Variants in PLEC observed in about 807,000 individuals in gnomAD.
PLEC encodes plectin.
Under a neutral mutation model 392.8 loss-of-function variants are expected in PLEC, and 216 were observed. The observed-to-expected ratio is 0.55, with a 90% CI of 0.49 to 0.62. The LOEUF is 0.62. Ranked by LOEUF, PLEC falls within the 20% of genes least tolerant of loss-of-function variation. The pLI is 0.00. For synonymous variants in PLEC, 3,621 were observed against 2,980.6 expected (o/e 1.21, Z -7.00); for missense variants, 6,863 against 6,563.4 (o/e 1.05, Z -1.58).
Position 143,922,261 on chromosome 8 carries a change from G to T in PLEC, c.7560C>A (p.Phe2520Leu). The change falls in exon 32 of 32, where the codon TTC becomes TTA. Residue 2520 changes from phenylalanine to leucine, a missense_variant. Physicochemically the swap from Phe to Leu is conservative, Grantham distance 22 (BLOSUM62 0). Transcript: ENST00000345136. ...GCTGTGCCTTGGCCACCTCGTCCTG[G>T]AAGAGCTGCTCCAGCTTGGCCTTCT... ...EQEKAKLEQL[F>L]QDEVAKAQQL... is the part of the protein sequence containing the mutation. The T allele has an allele frequency of 6.2e-7, 1 of 1,600,530 alleles. No homozygotes were observed.
rs141190664 is a variant in PLEC, at chr8:143,969,307, C to A, written c.70+4096G>T. ...TTCCTGTCTGCCTGAGCCCCTCAGC[C>A]CCCCCATTCTCCCTGTCCCCCATCC... On this transcript the variant is annotated intron_variant, in intron 1 of 31. Transcript: ENST00000356346. The surrounding 1 kb of genome is among the most constrained non-coding windows in gnomAD (Gnocchi z 5.1). 4.6e-5 allele frequency among the ~76,000 whole-genome samples: 7 copies of A among 152,336 alleles called. No homozygotes were observed. The highest frequency in any genetic ancestry group is 4.1e-4 in the South Asian group (2 of 4,828).
intron 1 of PLEC, among the ~76,000 whole-genome samples, chr8:143,946,751 G>A (rs1564202465): frequency 1.9e-5 from 1 of 52,000 alleles, no homozygotes; most frequent in Non-Finnish European, 3.8e-5. Context: ...GCCCAGCCCT[G>A]CCCTCCCACC....
In PLEC at chr8:143,935,180, A is replaced by C; in HGVS notation, c.718+18T>G. The C allele has an allele frequency of 6.2e-7, 1 of 1,611,248 alleles. No individual in the cohort carries two copies. The highest frequency in any genetic ancestry group is 8.5e-7 in the Non-Finnish European group (1 of 1,178,504). ...GGCAGCAGGGGAAGGGACAGGGAGG[A>C]AGGCCACGCAGACGTACCCTCAGGG... On this transcript the variant is annotated intron_variant, in intron 7 of 31. Coordinates refer to ENST00000345136, the MANE Select transcript of PLEC (RefSeq NM_201384.3).
chr8:143,934,722 C>T lies in PLEC; in HGVS notation c.954G>A (p.Trp318Ter). The change falls in exon 10 of 32, where the codon TGG becomes TGA. Residue 318 changes from tryptophan (W) to a stop codon, truncating the protein, a stop_gained. Transcript: ENST00000345136. LOFTEE classifies it high-confidence loss of function. ...TCTCCTTAAACTTCAGGAACTGAGA[C>T]CACAGGATCTGCCAGGGACGAGGCT... ...PSSFEEIEIL[W>*]SQFLKFKEME... is the part of the protein sequence containing the mutation. 1 of 1,612,594 alleles carries T rather than the reference C, an allele frequency of 6.2e-7. No individual in the cohort carries two copies. The highest frequency in any genetic ancestry group is 8.5e-7 in the Non-Finnish European group (1 of 1,179,950).
chr8:143,928,112 G>T (rs1825899849), intron 25 of PLEC, 120 bp from the exon 26 acceptor site: 2 of 1,266,088 alleles, frequency 1.6e-6, no homozygotes. Flanking sequence ...AACCCTGGGG[G>T]TCAGCTGACC....
chr8:143,937,095 A>AGAC, intron 4 of PLEC, 24 bp from the exon 5 acceptor site: 5 of 1,610,836 alleles, frequency 3.1e-6, no homozygotes, highest in Non-Finnish European at 4.2e-6. Context: ...GCTCTCGGTC[A>AGAC]CGGCCCACAG....
rs200895343 is a variant in PLEC at position 143,920,470 on chromosome 8, G to A, written c.9351C>T (p.Phe3117=). The change falls in exon 32 of 32, where the codon TTC becomes TTT. Residue 3117 remains phenylalanine, a synonymous_variant. Transcript: ENST00000345136. ...DPYTGQSVSL[F]QALKKGLIPR... is the part of the protein sequence containing the mutation. The stretch of plus-strand genomic sequence containing the variant: ...GAATGAGGCCCTTCTTCAGGGCCTG[G>A]AACAGGGAGACGCTCTGCCCTGTGT... 2.0e-3 allele frequency: 3,269 copies of A among 1,604,482 alleles called. 12 individuals are homozygous for A. The highest frequency in any genetic ancestry group is 2.4e-3 in the Non-Finnish European group (2,784 of 1,176,008).
At chr8:143,964,380 G>A (rs1832991077) in intron 1 of PLEC, among the ~76,000 whole-genome samples, 1 of 152,102 alleles carries the variant, frequency 6.6e-6, no homozygotes, top group Admixed American at 6.6e-5. Flanking sequence ...ACCCAGTAGG[G>A]GGCCTAGAAC....
chr8:143,934,263 C>T, intron 11 of PLEC, 55 bp downstream of exon 11: 1 of 1,608,552 alleles, frequency 6.2e-7, no homozygotes, highest in Non-Finnish European at 8.5e-7. Context: ...GGTTTCCTTC[C>T]CAGGCAGTGA....
In PLEC at chr8:143,924,558, C is replaced by T. The variant is rs563085221; in HGVS notation, c.5371G>A (p.Ala1791Thr). 6.5e-6 allele frequency: 10 copies of T among 1,546,660 alleles called. No homozygotes were observed. Among genetic ancestry groups the T allele is most frequent in the African/African-American group, 2.7e-5 (2 of 73,202 alleles). Reference protein sequence around the residue: ...TSEKSKQRLEAEAGRFRELAE... With the variant: ...TSEKSKQRLETEAGRFRELAE... Reference sequence around the variant, plus strand: ...AGCTCGCGGAACCGGCCGGCCTCGGCCTCCAGCCTCTGCTTGGACTTCTCG... The same window carrying T: ...AGCTCGCGGAACCGGCCGGCCTCGGTCTCCAGCCTCTGCTTGGACTTCTCG... Residue 1791 changes from alanine to threonine, a missense_variant, in exon 31 of 32, where the codon GCC (alanine) becomes ACC (threonine). Transcript: ENST00000345136.
chr8:143,975,157 G>A, upstream of PLEC: 2 of 1,596,902 alleles, frequency 1.3e-6, no homozygotes, highest in Non-Finnish European at 1.7e-6. The surrounding 1 kb of genome is among the most constrained non-coding windows in gnomAD (Gnocchi z 9.9). Context: ...AGGTGCACAG[G>A]CAAGGCCCTG....
chr8:143,925,272 G>A lies in PLEC; in HGVS notation c.4657C>T (p.Arg1553Trp), dbSNP rs781820448. 26 of 1,580,336 alleles carry A rather than the reference G, an allele frequency of 1.6e-5. No homozygotes were observed. Among genetic ancestry groups the A allele is most frequent in the East Asian group, 6.9e-5 (3 of 43,738 alleles). The change falls in exon 31 of 32, where the codon CGG (arginine) becomes TGG (tryptophan). Residue 1553 changes from arginine (R) to tryptophan (W), a missense_variant. By Grantham distance (101) the Arg-to-Trp change is moderately radical (BLOSUM62 -3). Transcript: ENST00000345136. ...CGCGCTCGCTCCACCTCGGCCTGCC[G>A]CAGGCGCCGCTCCGCCTCCTCCGCC... ...LQAEEAERRL[R>W]QAEVERARQV... is the part of the protein sequence containing the mutation.
At chr8:143,948,620 G>T (rs1012879197) in intron 1 of PLEC, among the ~76,000 whole-genome samples, 1 of 152,226 alleles carries the variant, frequency 6.6e-6, no homozygotes, top group South Asian at 2.1e-4. Context: ...AGCTGCTGCT[G>T]GCGGCTGTGG....
chr8:143,933,640 C>T (rs545355499), intron 12 of PLEC, among the ~76,000 whole-genome samples: 1 of 152,308 alleles, frequency 6.6e-6, no homozygotes, highest in South Asian at 2.1e-4. Context: ...GGTAACTCCT[C>T]CTGTAATGCC....
chr8:143,940,322 G>T (rs781795284), upstream of PLEC, among the ~76,000 whole-genome samples: 35 of 152,220 alleles, frequency 2.3e-4, no homozygotes, highest in Non-Finnish European at 4.9e-4. Context: ...CGGGCCTCAT[G>T]GGGGAATGGA....
At chr8:143,940,760 A>G (rs58223851), upstream of PLEC, among the ~76,000 whole-genome samples, 6,742 of 152,202 alleles carry the variant, frequency 0.044, 523 homozygotes, top group African/African-American at 0.15. Context: ...GTGAGGGGGC[A>G]CCAGAACCCT....
At chr8:143,972,356 C>T (rs1554744573) in intron 1 of PLEC, among the ~76,000 whole-genome samples, 2 of 151,754 alleles carry the variant, frequency 1.3e-5, no homozygotes, top group Admixed American at 1.3e-4. Flanking sequence ...ACAGGCAAAG[C>T]GGCTGGGCAC....
chr8:143,951,865 A>ACCCCCCCCCCCCCCC (rs1398189193), upstream of PLEC, among the ~76,000 whole-genome samples: 1 of 143,620 alleles, frequency 7.0e-6, no homozygotes, highest in Non-Finnish European at 1.5e-5. Context: ...CCCATCATCC[A>ACCCCCCCCCCCCCCC]CCCCCCCCTC....
upstream of PLEC, chr8:143,944,016 C>T: frequency 7.0e-7 from 1 of 1,425,348 alleles, no homozygotes; most frequent in Non-Finnish European, 9.5e-7. Context: ...CCTGCCCTGC[C>T]CGCAGGACCG....
Sources: allele counts gnomAD v4.1 joint callset (sites outside exome capture counted in the v4.1 genomes callset), GRCh38; gene constraint gnomAD v4.1.1; non-coding constraint Gnocchi (gnomAD v3.1); transcripts MANE v1.5; gene names NCBI Gene and HGNC (gene_info 2026-07-23, HGNC 2026-07-21).